COPG2: variants seen among roughly 807,000 people sequenced by gnomAD.
The protein encoded by COPG2 is coat protein complex I subunit gamma 2, also known as coatomer subunit gamma-2.
In COPG2, 37 loss-of-function variants were observed where a neutral mutation model predicts 46.3. The observed-to-expected ratio is 0.80, with a 90% CI of 0.61 to 1.05. The LOEUF (loss-of-function observed/expected upper bound fraction) is 1.05. COPG2 is among the 50% of genes least tolerant of loss of function. The probability of loss-of-function intolerance (pLI) is 0.00; values close to 1 mark genes in which losing one functional copy is unlikely to be tolerated. For missense variants in COPG2, 427 were observed against 387.8 expected (o/e 1.10, Z -0.85); for synonymous variants, 159 against 129.7 (o/e 1.23, Z -1.53).
Position 130,573,819 on chromosome 7 carries a change from G to T in COPG2, c.738-9426C>A, listed in dbSNP as rs564996969. Among the ~76,000 whole-genome samples the T allele has an allele frequency of 3.9e-5, 6 of 152,200 alleles. No homozygotes were observed. In the East Asian group the frequency reaches 1.2e-3, roughly 29 times the overall value. On this transcript the variant is annotated intron_variant, in intron 9 of 23. Coordinates refer to ENST00000425248, the MANE Select transcript of COPG2 (RefSeq NM_012133.6). ...TACATAGGTAAGTTCAACCACAATG[G>T]TTGAACTAATTTACACTCACACCAA...
intron 9 of COPG2, among the ~76,000 whole-genome samples, chr7:130,586,393 C>T (rs1432606447): frequency 6.6e-6 from 1 of 152,020 alleles, no homozygotes; most frequent in Non-Finnish European, 1.5e-5. Context: ...GGTGCACCAA[C>T]ATCTCACAAA....
At chr7:130,658,267 A>C (rs782330114) in intron 4 of COPG2, among the ~76,000 whole-genome samples, 3 of 152,234 alleles carry the variant, frequency 2.0e-5, no homozygotes, top group Non-Finnish European at 4.4e-5. Context: ...CATTATGCTA[A>C]GTAACTGAAA....
At chr7:130,597,864 AG>A (rs1490817325) in intron 9 of COPG2, among the ~76,000 whole-genome samples, 1 of 152,200 alleles carries the variant, frequency 6.6e-6, no homozygotes, top group Admixed American at 6.5e-5. Flanking sequence ...GAACATGAGG[AG>A]GAAAGTGCAG....
At chr7:130,584,897 C>A (rs1554447801) in intron 9 of COPG2, among the ~76,000 whole-genome samples, 1 of 151,876 alleles carries the variant, frequency 6.6e-6, no homozygotes, top group African/African-American at 2.4e-5. Context: ...AAGCAATCTA[C>A]AAATTCAATG....
chr7:130,603,931 G>A (rs536488738), intron 9 of COPG2: 57 of 480,608 alleles, frequency 1.2e-4, no homozygotes, highest in East Asian at 6.3e-4. Flanking sequence ...TCATTAACAC[G>A]TTTTATGTTA....
At chr7:130,610,447 G>A (rs1282565801) in intron 9 of COPG2, 1 of 451,726 alleles carries the variant, frequency 2.2e-6, no homozygotes. Flanking sequence ...CTGGGGAAGG[G>A]GTCTTCTTTG....
chr7:130,550,669 C>T lies in COPG2; in HGVS notation c.1649-20G>A. The stretch of plus-strand genomic sequence containing the variant: ...TCAAACCTGTGAAACATAGAGAAAT[C>T]TCAGCATTATAACCTCTTGCCAATC... On this transcript the variant is annotated intron_variant, in intron 16 of 23. Transcript: ENST00000425248. 1 of 396,406 alleles carries T rather than the reference C, an allele frequency of 2.5e-6. No individual in the cohort carries two copies. The highest frequency in any genetic ancestry group is 3.6e-5 in the East Asian group (1 of 27,936). The allele number at this position is 396,406 out of a possible 1,614,324, so 24.6% of individuals were successfully genotyped here.
chr7:130,562,227 C>T (rs1413113171), intron 11 of COPG2, among the ~76,000 whole-genome samples: 2 of 152,152 alleles, frequency 1.3e-5, no homozygotes, highest in Non-Finnish European at 2.9e-5. Flanking sequence ...GACGTGGTGG[C>T]AGGTGCCTGT....
intron 5 of COPG2, among the ~76,000 whole-genome samples, chr7:130,620,132 T>C (rs1207150785): frequency 2.0e-5 from 3 of 152,198 alleles, no homozygotes; most frequent in Admixed American, 2.0e-4. Context: ...TATCTATAAA[T>C]AGGGTTACTA....
rs61354155 is a variant in COPG2 at position 130,506,485 on chromosome 7, G to GAAA, written c.*188_*190dup. 62 of 327,250 alleles carry GAAA rather than the reference G, an allele frequency of 1.9e-4. No homozygotes were observed. Among genetic ancestry groups the GAAA allele is most frequent in the Non-Finnish European group, 2.3e-4 (43 of 185,758 alleles). 20.3% of individuals were successfully genotyped at this position (327,250 alleles called of 1,614,324 possible). A position where few individuals can be genotyped will look rare whatever the true frequency, so the allele number is the denominator to read the frequency against. On this transcript the variant is annotated 3_prime_UTR_variant, in exon 24 of 24. Transcript: ENST00000425248. ...CAAAGCTGACCAAGTAGAATAAAAA[G>GAAA]AAAAAAAAAAAAAAACAACCCATGC...
At chr7:130,519,920 GA>G in intron 20 of COPG2, among the ~76,000 whole-genome samples, 1 of 152,342 alleles carries the variant, frequency 6.6e-6, no homozygotes, top group East Asian at 1.9e-4. Context: ...GCTGGCACTT[GA>G]AGTCTTAGTG....
intron 9 of COPG2, among the ~76,000 whole-genome samples, chr7:130,587,155 A>C (rs1554448123): frequency 6.6e-6 from 1 of 151,826 alleles, no homozygotes; most frequent in Non-Finnish European, 1.5e-5. Context: ...GAAAATACAA[A>C]AATTAGCCAG....
At chr7:130,579,741 A>G (rs1794095341) in intron 9 of COPG2, among the ~76,000 whole-genome samples, 1 of 151,176 alleles carries the variant, frequency 6.6e-6, no homozygotes, top group African/African-American at 2.4e-5. Flanking sequence ...AAAGATCAAA[A>G]GAGACAAGGC....
intron 12 of COPG2, among the ~76,000 whole-genome samples, chr7:130,557,793 G>A (rs1325936322): frequency 2.1e-4 from 12 of 56,966 alleles, no homozygotes; most frequent in African/African-American, 7.9e-4. Context: ...CTCCAGCCTG[G>A]GCAGCAAGAA....
chr7:130,567,679 T>C (rs1048689451), intron 9 of COPG2, among the ~76,000 whole-genome samples: 1 of 152,112 alleles, frequency 6.6e-6, no homozygotes. Flanking sequence ...AAAAAAATAA[T>C]TATCAGCCAA....
chr7:130,562,793 T>C (rs1263697864), intron 11 of COPG2, among the ~76,000 whole-genome samples: 3 of 152,250 alleles, frequency 2.0e-5, no homozygotes, highest in Non-Finnish European at 4.4e-5. Context: ...GTGGTTATTA[T>C]GAAATTTAAT....
chr7:130,646,033 C>T (rs186283118), intron 5 of COPG2, among the ~76,000 whole-genome samples: 30 of 152,332 alleles, frequency 2.0e-4, no homozygotes, highest in Admixed American at 2.0e-3. Flanking sequence ...CATTTCTTCT[C>T]CCGTTATAAT....
Position 130,611,076 on chromosome 7 carries a change from T to A in COPG2, c.614A>T (p.Lys205Met). 2 of 1,613,844 alleles carry A rather than the reference T, an allele frequency of 1.2e-6. No individual in the cohort carries two copies. Among genetic ancestry groups the A allele is most frequent in the Non-Finnish European group, 1.7e-6 (2 of 1,179,848 alleles). Residue 205 changes from lysine to methionine, a missense_variant, in exon 9 of 24, where the codon AAG becomes ATG. Coordinates refer to ENST00000425248, the MANE Select transcript of COPG2 (RefSeq NM_012133.6). ...HALGVLYHLR[K>M]NDRLAVSKML... ...CTTGGAAACAGCAAGTCGATCATTC[T>A]TTCTAAGGTGATACAGGACTCCCAA...
intron 20 of COPG2, among the ~76,000 whole-genome samples, chr7:130,526,046 G>A (rs1445418851): frequency 1.2e-4 from 19 of 152,240 alleles, no homozygotes; most frequent in Non-Finnish European, 1.9e-4. Context: ...GAGGTAAATG[G>A]AAATAAAGGA....
Sources: allele counts gnomAD v4.1 joint callset (sites outside exome capture counted in the v4.1 genomes callset), GRCh38; gene constraint gnomAD v4.1.1; transcripts MANE v1.5; gene names NCBI Gene and HGNC (gene_info 2026-07-23, HGNC 2026-07-21).